The following CEP95 variants were observed in gnomAD, a reference collection of about 807,000 sequenced individuals.
CEP95 encodes the protein centrosomal protein of 95 kDa.
CEP95 carries 98 observed loss-of-function variants against 111.2 expected under a neutral mutation model. That is an observed-to-expected ratio of 0.88 (90% CI 0.75 to 1.04). The LOEUF is 1.04. CEP95 is among the 50% of genes least tolerant of loss of function. The pLI, the probability that CEP95 is intolerant of heterozygous loss-of-function variation, is 0.00. For synonymous variants in CEP95, 323 were observed against 327.1 expected (o/e 0.99, Z 0.14); for missense variants, 1,027 against 977.2 (o/e 1.05, Z -0.68).
Position 64,533,130 on chromosome 17 carries a change from TAAG to T in CEP95, c.1860_1862del (p.Arg621del). On this transcript the variant is annotated inframe_deletion, in exon 16 of 20. Transcript: ENST00000556440. ...TCCCCCTTCAAGATAGAAGAAGCCC[TAAG>T]AAGGCATGACCTCCTTACTACCCTT... 1 of 1,604,474 alleles carries T rather than the reference TAAG, an allele frequency of 6.2e-7. No homozygotes were observed. Among genetic ancestry groups the T allele is most frequent in the Non-Finnish European group, 8.5e-7 (1 of 1,177,494 alleles).
rs537468237 is a variant in CEP95, at chr17:64,522,072, C to T, written c.715+545C>T. Among the ~76,000 whole-genome samples, 6 of 152,052 alleles carry T rather than the reference C, an allele frequency of 3.9e-5. No homozygotes were observed. The South Asian group carries it at 6.2e-4, about 16-fold the overall frequency. On this transcript the variant is annotated intron_variant, in intron 7 of 19. Transcript: ENST00000556440. ...TTCACCATGTTGGCCAGGCTGGTCT[C>T]GAACTCATGACCTCGTGATCCGCCT... is the stretch of plus-strand genomic sequence containing the variant.
In CEP95 at chr17:64,532,597, A is replaced by G. The variant is rs1483338344; in HGVS notation, c.1673-242A>G. The G allele has an allele frequency of 7.0e-6, 9 of 1,286,512 alleles. No individual in the cohort carries two copies. The African/African-American group carries it at 1.2e-4, about 18-fold the overall frequency. 79.7% of individuals were successfully genotyped at this position (1,286,512 alleles called of 1,614,324 possible). ...CCACAGGCACTGAAGCGGCTGAGCA[A>G]TTAGGATGGACTTCCCAGGACCAGC... On this transcript the variant is annotated intron_variant, in intron 14 of 19. Coordinates refer to ENST00000556440, the MANE Select transcript of CEP95 (RefSeq NM_138363.3).
rs1357652216 is a variant in CEP95, at chr17:64,532,882, G to A, written c.1716G>A (p.Gln572=). The change falls in exon 15 of 20, where the codon CAG becomes CAA. Residue 572 remains glutamine (Q), a synonymous_variant. Coordinates refer to ENST00000556440, the MANE Select transcript of CEP95 (RefSeq NM_138363.3). ...GTCTCCTGCCCCTTATGCTGGAGCA[G>A]TTTCCGTTTCTTTATGTTTCTGGCC... is the stretch of plus-strand genomic sequence containing the variant. ...EHSLLPLMLE[Q]FPFLYVSGPT... 5 of 1,613,858 alleles carry A rather than the reference G, an allele frequency of 3.1e-6. No homozygotes were observed. Among genetic ancestry groups the A allele is most frequent in the Non-Finnish European group, 4.2e-6 (5 of 1,179,842 alleles).
At chr17:64,519,184 A>C (rs1967117122) in intron 5 of CEP95, 137 bp from the exon 6 acceptor site, 3 of 616,544 alleles carry the variant, frequency 4.9e-6, no homozygotes, top group South Asian at 4.0e-5. Context: ...AGTGAAAACA[A>C]AACATAAGCA....
chr17:64,525,202 G>GGT (rs1303439153), intron 8 of CEP95, among the ~76,000 whole-genome samples: 4 of 151,966 alleles, frequency 2.6e-5, no homozygotes, highest in African/African-American at 9.7e-5. Flanking sequence ...AAATTAGCCA[G>GGT]GTGTTGTGGC....
chr17:64,522,979 C>T (rs1430160358), intron 8 of CEP95, 84 bp downstream of exon 8: 110 of 1,049,222 alleles, frequency 1.0e-4, no homozygotes, highest in Non-Finnish European at 1.4e-4. Flanking sequence ...ATTAGAAGGC[C>T]GTGTGTGTGT....
intron 3 of CEP95, among the ~76,000 whole-genome samples, chr17:64,511,727 A>G (rs961712937): frequency 4.6e-5 from 7 of 152,234 alleles, no homozygotes; most frequent in Non-Finnish European, 8.8e-5. Flanking sequence ...CTAGGAAATC[A>G]CAAGGGTATT....
chr17:64,527,135 C>G lies in CEP95; in HGVS notation c.1177C>G (p.Arg393Gly). The change falls in exon 11 of 20, where the codon CGG (arginine) becomes GGG (glycine). Residue 393 changes from arginine to glycine, a missense_variant. Physicochemically the swap from Arg to Gly is moderately radical, Grantham distance 125 (BLOSUM62 -2). Coordinates refer to ENST00000556440, the MANE Select transcript of CEP95 (RefSeq NM_138363.3). Reference protein sequence around the residue: ...DWMLKSALGDRIKEKTDHKEE... With the variant: ...DWMLKSALGDGIKEKTDHKEE... ...GATGTTAAAAAGTGCTCTGGGTGAT[C>G]GGATTAAAGAAAAGACTGACCATAA... 3 of 1,612,152 alleles carry G rather than the reference C, an allele frequency of 1.9e-6. No homozygotes were observed. Among genetic ancestry groups the G allele is most frequent in the Non-Finnish European group, 2.5e-6 (3 of 1,178,984 alleles).
chr17:64,517,690 ATTTT>A (rs782455302), intron 5 of CEP95, among the ~76,000 whole-genome samples: 2 of 124,512 alleles, frequency 1.6e-5, no homozygotes, highest in African/African-American at 3.0e-5. Context: ...CACCTGGCTA[ATTTT>A]TTTTTTTTTT....
At chr17:64,524,955 T>G (rs184978198) in intron 8 of CEP95, among the ~76,000 whole-genome samples, 13 of 151,084 alleles carry the variant, frequency 8.6e-5, no homozygotes, top group Non-Finnish European at 1.6e-4. Flanking sequence ...TGGGTGACAG[T>G]AAGACCCCAT....
In CEP95 at chr17:64,510,168, C is replaced by T. The variant is rs782167947; in HGVS notation, c.149-5C>T. 3 of 1,572,496 alleles carry T rather than the reference C, an allele frequency of 1.9e-6. No homozygotes were observed. The highest frequency in any genetic ancestry group is 1.1e-5 in the South Asian group (1 of 88,414). The stretch of plus-strand genomic sequence containing the variant: ...ACAAAATTATGTGATTTTTTCCCCC[C>T]CCAGACCTCATAGTTATTCCTAGGA... On this transcript the variant is annotated splice_polypyrimidine_tract_variant and splice_region_variant and intron_variant, in intron 2 of 19. Transcript: ENST00000556440.
rs1967483322 is a variant in CEP95, at chr17:64,522,999, G to A, written c.909+104G>A. 3 of 852,158 alleles carry A rather than the reference G, an allele frequency of 3.5e-6. No individual in the cohort carries two copies. The East Asian group carries it at 8.0e-5, about 23-fold the overall frequency. 52.8% of individuals were successfully genotyped at this position (852,158 alleles called of 1,614,324 possible). On this transcript the variant is annotated intron_variant, in intron 8 of 19. Coordinates refer to ENST00000556440, the MANE Select transcript of CEP95 (RefSeq NM_138363.3). ...AAGGCCGTGTGTGTGTATGTGTATTGGTGAAGTCTTTATTCTTTGTCAAGG... is the reference window on the plus strand; with the variant it reads ...AAGGCCGTGTGTGTGTATGTGTATTAGTGAAGTCTTTATTCTTTGTCAAGG...
upstream of CEP95, chr17:64,506,961 CCTT>C (rs1367884626): frequency 2.2e-6 from 2 of 919,374 alleles, no homozygotes; most frequent in African/African-American, 1.6e-5. Context: ...TAACGTCCGT[CCTT>C]CTTTCACGCC....
At position 64,534,685 on chromosome 17, in the gene CEP95, A is replaced by G. The variant is rs781888057; in HGVS notation, c.2018A>G (p.Tyr673Cys). The change falls in exon 17 of 20, where the codon TAT becomes TGT. Residue 673 changes from tyrosine to cysteine, a missense_variant. Physicochemically the swap from Tyr to Cys is radical, Grantham distance 194. Transcript: ENST00000556440. The part of the protein sequence containing the change: ...IVRARKYYDD[Y>C]RVQLCAKMMR... ...CGTGCTCGAAAATATTATGATGATTATAGAGTTCAGTTGTGTGCAAAAATG... is the reference window on the plus strand; with the variant it reads ...CGTGCTCGAAAATATTATGATGATTGTAGAGTTCAGTTGTGTGCAAAAATG... 3.7e-6 allele frequency: 6 copies of G among 1,613,434 alleles called. No individual in the cohort carries two copies. In the East Asian group the frequency reaches 1.1e-4, roughly 30 times the overall value.
intron 8 of CEP95, among the ~76,000 whole-genome samples, chr17:64,525,063 G>A (rs548545435): frequency 7.2e-5 from 11 of 151,784 alleles, no homozygotes; most frequent in South Asian, 2.1e-4. Flanking sequence ...AAATTTAGCC[G>A]GACACGGTAG....
chr17:64,516,576 T>C, intron 4 of CEP95, 147 bp from the exon 5 acceptor site: 1 of 468,096 alleles, frequency 2.1e-6, no homozygotes, highest in Non-Finnish European at 3.8e-6. Context: ...GGTGATTTGG[T>C]TCTTTCTGAT....
chr17:64,523,984 T>TC (rs376854461), intron 8 of CEP95, among the ~76,000 whole-genome samples: 388 of 152,320 alleles, frequency 2.5e-3, no homozygotes, highest in African/African-American at 9.0e-3. Context: ...ATTTAAACAT[T>TC]CAAGCAATGC....
chr17:64,510,695 G>A (rs2038846225), intron 3 of CEP95, among the ~76,000 whole-genome samples: 1 of 152,178 alleles, frequency 6.6e-6, no homozygotes, highest in Admixed American at 6.5e-5. Context: ...GGCTACAGGT[G>A]TGCACCACCA....
At chr17:64,513,671 G>A (rs556920973) in intron 3 of CEP95, among the ~76,000 whole-genome samples, 1 of 152,164 alleles carries the variant, frequency 6.6e-6, no homozygotes, top group African/African-American at 2.4e-5. Context: ...TCAGAAAAAT[G>A]GTATGATCTA....
Sources: allele counts gnomAD v4.1 joint callset (sites outside exome capture counted in the v4.1 genomes callset), GRCh38; gene constraint gnomAD v4.1.1; transcripts MANE v1.5; gene names NCBI Gene and HGNC (gene_info 2026-07-23, HGNC 2026-07-21).